The following LRRC4C variants were observed in gnomAD, a reference collection of about 807,000 sequenced individuals.
LRRC4C encodes leucine-rich repeat-containing protein 4C.
In LRRC4C, 5 loss-of-function variants were observed where a neutral mutation model predicts 33.6. The observed-to-expected ratio is 0.15, with a 90% CI of 0.08 to 0.31. LRRC4C has a LOEUF of 0.31. Ranked by LOEUF, LRRC4C falls within the 10% of genes least tolerant of loss-of-function variation. LRRC4C has a pLI of 1.00. For missense variants in LRRC4C, 560 were observed against 796.7 expected, an observed-to-expected ratio of 0.70 and a Z score of 3.58; for synonymous variants, 329 against 302.0, an observed-to-expected ratio of 1.09 and a Z score of -0.93.
At chr11:41,390,661 T>A (rs570390367) in intron 1 of LRRC4C, among the ~76,000 whole-genome samples, 1 of 151,922 alleles carries the variant, frequency 6.6e-6, no homozygotes, top group Non-Finnish European at 1.5e-5. Flanking sequence ...ATGAACTTCA[T>A]CTGATCATCT....
At chr11:40,981,484 T>C (rs941795182) in intron 1 of LRRC4C, among the ~76,000 whole-genome samples, 3 of 152,194 alleles carry the variant, frequency 2.0e-5, no homozygotes, top group Non-Finnish European at 2.9e-5. Flanking sequence ...AGAGTATTAT[T>C]GTTTACAGCC....
chr11:40,811,917 C>T (rs527968508), intron 2 of LRRC4C, among the ~76,000 whole-genome samples: 1 of 152,214 alleles, frequency 6.6e-6, no homozygotes, highest in East Asian at 1.9e-4. Context: ...GCAACTCTGC[C>T]AGGATGCCAA....
intron 1 of LRRC4C, among the ~76,000 whole-genome samples, chr11:41,201,854 A>G (rs1428794066): frequency 1.3e-5 from 2 of 152,058 alleles, no homozygotes; most frequent in Non-Finnish European, 2.9e-5. Context: ...GGGAGTTCTA[A>G]ACTGGATTTC....
chr11:41,020,086 C>T, intron 1 of LRRC4C, among the ~76,000 whole-genome samples: 1 of 152,036 alleles, frequency 6.6e-6, no homozygotes, highest in Non-Finnish European at 1.5e-5. Flanking sequence ...GAAATCTTTG[C>T]CCAAACCCCT....
At chr11:40,790,760 T>A (rs768980114) in intron 2 of LRRC4C, among the ~76,000 whole-genome samples, 39 of 152,210 alleles carry the variant, frequency 2.6e-4, no homozygotes, top group Non-Finnish European at 4.6e-4. Context: ...GTTGGGAAAA[T>A]CATTAGTGTT....
intron 2 of LRRC4C, among the ~76,000 whole-genome samples, chr11:40,668,287 T>G (rs35844079): frequency 1.3e-5 from 2 of 152,316 alleles, no homozygotes; most frequent in East Asian, 3.9e-4. Context: ...CGAGACTAAT[T>G]TTTAAAACAT....
intron 2 of LRRC4C, among the ~76,000 whole-genome samples, chr11:40,719,326 G>T (rs111792926): frequency 2.6e-5 from 4 of 152,254 alleles, no homozygotes; most frequent in African/African-American, 9.6e-5. Context: ...TCTTCTAAGA[G>T]AAAATGACAA....
chr11:40,962,667 A>G (rs1185956610), intron 1 of LRRC4C, among the ~76,000 whole-genome samples: 1 of 151,764 alleles, frequency 6.6e-6, no homozygotes, highest in East Asian at 1.9e-4. Flanking sequence ...TATCCTGCTG[A>G]AAACATATAT....
chr11:40,559,200 T>TC (rs1957450991), intron 3 of LRRC4C, among the ~76,000 whole-genome samples: 1 of 124,914 alleles, frequency 8.0e-6, no homozygotes, highest in African/African-American at 2.7e-5. Context: ...TTTTTTTTTT[T>TC]CTGAGGTGGG....
intron 1 of LRRC4C, among the ~76,000 whole-genome samples, chr11:41,375,595 T>C (rs1042054762): frequency 6.6e-5 from 10 of 152,186 alleles, no homozygotes; most frequent in African/African-American, 2.4e-4. Flanking sequence ...ACACTTTACA[T>C]ACATCTATCA....
At chr11:40,595,205 A>T (rs932812566) in intron 3 of LRRC4C, among the ~76,000 whole-genome samples, 8 of 151,982 alleles carry the variant, frequency 5.3e-5, no homozygotes, top group Non-Finnish European at 1.2e-4. Context: ...TCAAGGATAA[A>T]ATTTTACAAA....
At chr11:40,375,153 G>A (rs1023170288) in intron 3 of LRRC4C, among the ~76,000 whole-genome samples, 1 of 152,140 alleles carries the variant, frequency 6.6e-6, no homozygotes, top group African/African-American at 2.4e-5. Flanking sequence ...AGGCTCTGTA[G>A]TCAGCCACTG....
At chr11:40,966,033 CTT>C (rs1200451731) in intron 1 of LRRC4C, among the ~76,000 whole-genome samples, 1 of 152,034 alleles carries the variant, frequency 6.6e-6, no homozygotes, top group African/African-American at 2.4e-5. Flanking sequence ...TTTGTATCCT[CTT>C]TTATTTAATT....
At chr11:40,707,538 C>A (rs931587549) in intron 2 of LRRC4C, among the ~76,000 whole-genome samples, 9 of 152,138 alleles carry the variant, frequency 5.9e-5, no homozygotes, top group Non-Finnish European at 1.0e-4. Context: ...GCTGAACCAG[C>A]CTTGCATCTC....
chr11:40,885,271 G>A (rs542969429), intron 2 of LRRC4C, among the ~76,000 whole-genome samples: 2 of 151,296 alleles, frequency 1.3e-5, no homozygotes, highest in East Asian at 3.9e-4. Context: ...CTAAAATATG[G>A]ACACTGTATT....
chr11:41,035,720 C>G (rs896821708), intron 1 of LRRC4C, among the ~76,000 whole-genome samples: 4 of 152,088 alleles, frequency 2.6e-5, no homozygotes, highest in Non-Finnish European at 5.9e-5. Flanking sequence ...ACCAAATCTA[C>G]TTGTTTACAA....
intron 1 of LRRC4C, among the ~76,000 whole-genome samples, chr11:41,013,948 T>C (rs1855397469): frequency 6.6e-6 from 1 of 152,100 alleles, no homozygotes; most frequent in Non-Finnish European, 1.5e-5. Context: ...TCATTCACTA[T>C]TGTGAGGACA....
rs532207240 is a variant in LRRC4C, at chr11:40,188,049, T to C, written c.-95-47196A>G. On this transcript the variant is annotated intron_variant, in intron 5 of 6. Transcript: ENST00000528697. ...TAAGGCCCAGTATAAAATAACTAAT[T>C]AGATGACTATTTTAAAGTGAAGAAT... is the stretch of plus-strand genomic sequence containing the variant. Among the ~76,000 whole-genome samples, 59 of 152,218 alleles carry C rather than the reference T, an allele frequency of 3.9e-4. 1 individual carries two copies. The South Asian group carries it at 0.011, about 29-fold the overall frequency.
intron 4 of LRRC4C, among the ~76,000 whole-genome samples, chr11:40,312,867 A>C (rs1343742143): frequency 6.6e-6 from 1 of 151,156 alleles, no homozygotes; most frequent in African/African-American, 2.5e-5. Context: ...CAGCAGTTAC[A>C]TGAAGGCTCA....
Sources: gnomAD v4.1 joint callset for allele counts (sites outside exome capture counted in the v4.1 genomes callset) on GRCh38, gnomAD v4.1.1 for gene constraint, MANE v1.5 for transcripts, NCBI Gene and HGNC (gene_info 2026-07-23, HGNC 2026-07-21) for gene names.